Variants in SBSPON observed in about 807,000 individuals in gnomAD.
SBSPON encodes somatomedin B and thrombospondin type 1 domain containing.
Under a neutral mutation model 35.8 loss-of-function variants are expected in SBSPON, and 30 were observed. The observed-to-expected ratio is 0.84, with a 90% CI of 0.63 to 1.14. The LOEUF (loss-of-function observed/expected upper bound fraction) is 1.14, where lower values mean the gene tolerates loss of function less well. Among genes scored for constraint, SBSPON ranks in the 50% most tolerant of loss-of-function variants. SBSPON has a pLI of 0.00. For synonymous variants in SBSPON, 136 were observed against 135.9 expected, an observed-to-expected ratio of 1.00 and a Z score of 0.00; for missense variants, 364 against 357.7, an observed-to-expected ratio of 1.02 and a Z score of -0.14.
At chr8:73,087,463 C>T (rs957474853) in intron 1 of SBSPON, among the ~76,000 whole-genome samples, 3 of 152,134 alleles carry the variant, frequency 2.0e-5, no homozygotes, top group East Asian at 1.9e-4. Context: ...CACCCAGGGC[C>T]GCAGCCAAAT....
At chr8:73,071,291 G>A (rs557027527) in intron 3 of SBSPON, among the ~76,000 whole-genome samples, 1 of 152,318 alleles carries the variant, frequency 6.6e-6, no homozygotes, top group South Asian at 2.1e-4. Context: ...GCTAGTGAGG[G>A]CAGTGTGGGG....
At chr8:73,077,627 T>C (rs1183170272) in intron 2 of SBSPON, among the ~76,000 whole-genome samples, 1 of 152,258 alleles carries the variant, frequency 6.6e-6, no homozygotes, top group Non-Finnish European at 1.5e-5. Flanking sequence ...GAGTGTTAAG[T>C]TAATGAAACA....
chr8:73,081,099 G>A lies in SBSPON; in HGVS notation c.329C>T (p.Ala110Val), dbSNP rs770122016. 13 of 1,611,912 alleles carry A rather than the reference G, an allele frequency of 8.1e-6. No individual in the cohort carries two copies. The highest frequency in any genetic ancestry group is 1.3e-5 in the African/African-American group (1 of 75,006). ...SVQQEPQNGG[A>V]PCPPLEERAG... ...TCTCTCTTCCAGGGGTGGGCAGGGCGCCCCGCCGTTCTGAGGCTCCTGCTG... is the reference window on the plus strand; with the variant it reads ...TCTCTCTTCCAGGGGTGGGCAGGGCACCCCGCCGTTCTGAGGCTCCTGCTG... The change falls in exon 2 of 5, where the codon GCG becomes GTG. Residue 110 changes from alanine (A) to valine (V), a missense_variant. By Grantham distance (64) the Ala-to-Val change is moderately conservative (BLOSUM62 0). Transcript: ENST00000297354.
At chr8:73,075,698 C>T in intron 2 of SBSPON, 3 of 482,398 alleles carry the variant, frequency 6.2e-6, no homozygotes, top group Non-Finnish European at 8.1e-6. Context: ...TCATAACGCC[C>T]TCTGACACAA....
chr8:73,074,480 T>A (rs1810553845), intron 2 of SBSPON: 1 of 427,336 alleles, frequency 2.3e-6, no homozygotes, highest in Non-Finnish European at 3.1e-6. Flanking sequence ...ACAAGAAAAT[T>A]ATGGCACAGA....
intron 1 of SBSPON, among the ~76,000 whole-genome samples, chr8:73,086,458 G>C (rs954460205): frequency 6.6e-6 from 1 of 152,130 alleles, no homozygotes; most frequent in Admixed American, 6.5e-5. Context: ...CACCGTGCCC[G>C]GCCATCATCT....
chr8:73,082,172 A>G (rs1164773466), intron 1 of SBSPON, among the ~76,000 whole-genome samples: 1 of 152,250 alleles, frequency 6.6e-6, no homozygotes, highest in Non-Finnish European at 1.5e-5. Flanking sequence ...TAAAATCAAT[A>G]TGGCGTCACG....
At position 73,066,637 on chromosome 8, in the gene SBSPON, A is replaced by T. The variant is rs1306529362; in HGVS notation, c.*704T>A. The T allele has an allele frequency of 1.3e-5, 2 of 152,234 alleles. No individual in the cohort carries two copies. Among genetic ancestry groups the T allele is most frequent in the Non-Finnish European group, 2.9e-5 (2 of 68,032 alleles). The allele number at this position is 152,234 out of a possible 1,614,324, so 9.4% of individuals were successfully genotyped here. A position where few individuals can be genotyped will look rare whatever the true frequency, so the allele number is the denominator to read the frequency against. On this transcript the variant is annotated 3_prime_UTR_variant, in exon 5 of 5. Coordinates refer to ENST00000297354, the MANE Select transcript of SBSPON (RefSeq NM_153225.4). ...CAGAATGAAAGCAATTGTTTCATTC[A>T]CTGGTGTCAACATTTCTTTTCATGA...
chr8:73,092,763 C>G, intron 1 of SBSPON, 91 bp downstream of exon 1: 1 of 985,690 alleles, frequency 1.0e-6, no homozygotes, highest in Non-Finnish European at 1.6e-6. Flanking sequence ...ACACCTGGCT[C>G]AGGGACTGAG....
intron 2 of SBSPON, among the ~76,000 whole-genome samples, chr8:73,075,153 G>T (rs76202904): frequency 0.012 from 1,864 of 152,282 alleles, 42 homozygotes; most frequent in African/African-American, 0.042. Flanking sequence ...AGGATTACAG[G>T]CATCTGCCAC....
chr8:73,092,597 C>A (rs907880692), intron 1 of SBSPON, among the ~76,000 whole-genome samples: 1 of 152,146 alleles, frequency 6.6e-6, no homozygotes, highest in Non-Finnish European at 1.5e-5. Context: ...CGCTGGAGAA[C>A]AGCGGGATCC....
At position 73,092,766 on chromosome 8, in the gene SBSPON, G is replaced by T. The variant is rs1033754141; in HGVS notation, c.214+88C>A. On this transcript the variant is annotated intron_variant, in intron 1 of 4. Transcript: ENST00000297354. The stretch of plus-strand genomic sequence containing the variant: ...AGGGTCTGGAGGACACCTGGCTCAG[G>T]GACTGAGGTCCTTGGCACAGCGCCC... 1.4e-5 allele frequency: 14 copies of T among 1,016,532 alleles called. No homozygotes were observed. The African/African-American group carries it at 1.8e-4, about 13-fold the overall frequency. 63.0% of individuals were successfully genotyped at this position (1,016,532 alleles called of 1,614,324 possible).
chr8:73,079,274 G>A (rs1810651056), intron 2 of SBSPON, among the ~76,000 whole-genome samples: 1 of 152,022 alleles, frequency 6.6e-6, no homozygotes, highest in African/African-American at 2.4e-5. Flanking sequence ...GCTGCTGGAT[G>A]ACCTCACCTT....
At chr8:73,083,875 G>T (rs764403183) in intron 1 of SBSPON, 1 of 152,224 alleles carries the variant, frequency 6.6e-6, no homozygotes, top group Non-Finnish European at 1.5e-5. Flanking sequence ...TTTAATGGGT[G>T]CCAGGAAGCT....
intron 1 of SBSPON, among the ~76,000 whole-genome samples, chr8:73,088,216 C>T (rs1416002792): frequency 6.6e-6 from 1 of 152,172 alleles, no homozygotes; most frequent in African/African-American, 2.4e-5. Context: ...TATTTCATCT[C>T]TTAGCCACAT....
intron 1 of SBSPON, among the ~76,000 whole-genome samples, chr8:73,091,758 G>A (rs1810939383): frequency 6.6e-6 from 1 of 152,118 alleles, no homozygotes; most frequent in African/African-American, 2.4e-5. Context: ...TTTCAACCAG[G>A]GTCAAAAAAT....
chr8:73,085,772 GC>G (rs1810812634), intron 1 of SBSPON: 1 of 152,172 alleles, frequency 6.6e-6, no homozygotes, highest in Non-Finnish European at 1.5e-5. Flanking sequence ...TGAGCCGACA[GC>G]CAGAGCCATT....
rs1233223282 is a variant in SBSPON, at chr8:73,067,589, C to CTATATATATATATA, written c.678-145_678-132dup. 155 of 104,246 alleles carry CTATATATATATATA rather than the reference C, an allele frequency of 1.5e-3. 10 individuals are homozygous for CTATATATATATATA. Among genetic ancestry groups the CTATATATATATATA allele is most frequent in the Middle Eastern group, 6.4e-3 (2 of 314 alleles). The allele number at this position is 104,246 out of a possible 1,614,324, so 6.5% of individuals were successfully genotyped here. A position where few individuals can be genotyped will look rare whatever the true frequency, so the allele number is the denominator to read the frequency against. On this transcript the variant is annotated intron_variant, in intron 4 of 4. Transcript: ENST00000297354. ...GCAATATAGTGAAACCCCGTCTCTA[C>CTATATATATATATA]TATATATATATATATATAGTTTTTT...
chr8:73,075,777 A>G (rs1810583330), intron 2 of SBSPON: 1 of 961,124 alleles, frequency 1.0e-6, no homozygotes, highest in Non-Finnish European at 1.2e-6. Context: ...TGAAAAATTG[A>G]CAAATAATAT....
Sources: gnomAD v4.1 joint callset for allele counts (sites outside exome capture counted in the v4.1 genomes callset) on GRCh38, gnomAD v4.1.1 for gene constraint, MANE v1.5 for transcripts, NCBI Gene and HGNC (gene_info 2026-07-23, HGNC 2026-07-21) for gene names.